Variants in EML4 observed in about 807,000 individuals in gnomAD.
EML4 encodes the protein echinoderm microtubule-associated protein-like 4.
Under a neutral mutation model 129.0 loss-of-function variants are expected in EML4, and 72 were observed. That is an observed-to-expected ratio of 0.56 (90% confidence interval 0.46 to 0.68). EML4 has a LOEUF of 0.68. Among genes scored for constraint, EML4 ranks in the 30% least tolerant of loss-of-function variants. The pLI, the probability that EML4 is intolerant of heterozygous loss-of-function variation, is 0.00. For missense variants in EML4, 1,363 were observed against 1,190.6 expected, an observed-to-expected ratio of 1.14 and a Z score of -2.13; for synonymous variants, 532 against 405.0, an observed-to-expected ratio of 1.31 and a Z score of -3.77.
chr2:42,306,101 T>C (rs1334942928), intron 17 of EML4, among the ~76,000 whole-genome samples: 4 of 152,196 alleles, frequency 2.6e-5, no homozygotes, highest in Non-Finnish European at 5.9e-5. Flanking sequence ...TGAGAGAGCA[T>C]TTGGTGATAC....
chr2:42,284,175 G>T (rs1479151024), intron 8 of EML4, among the ~76,000 whole-genome samples: 1 of 152,158 alleles, frequency 6.6e-6, no homozygotes. Context: ...GTTTTCTTTT[G>T]TTGAAAAGTA....
chr2:42,218,851 AG>A (rs1673369060), intron 1 of EML4, among the ~76,000 whole-genome samples: 2 of 152,260 alleles, frequency 1.3e-5, no homozygotes, highest in South Asian at 4.1e-4. Flanking sequence ...TTTTAAAGAG[AG>A]GGGGTCTTGC....
chr2:42,169,566 A>C lies in EML4; in HGVS notation c.-46A>C. On this transcript the variant is annotated 5_prime_UTR_variant, in exon 1 of 23. Transcript: ENST00000318522. The stretch of plus-strand genomic sequence containing the variant: ...GGCCACTCTGTCGGTCCGCTGAATG[A>C]AGTGCCCGCCCCTCTAAGCCCGGAG... The C allele has an allele frequency of 6.3e-6, 10 of 1,587,046 alleles. No homozygotes were observed. The highest frequency in any genetic ancestry group is 8.5e-6 in the Non-Finnish European group (10 of 1,170,606).
At chr2:42,232,749 A>G (rs1027690893) in intron 1 of EML4, among the ~76,000 whole-genome samples, 9 of 152,086 alleles carry the variant, frequency 5.9e-5, no homozygotes, top group Admixed American at 3.9e-4. Context: ...TTTGAGACGG[A>G]GTCTGGCTGT....
chr2:42,219,597 T>G (rs1673428000), intron 1 of EML4, among the ~76,000 whole-genome samples: 1 of 152,204 alleles, frequency 6.6e-6, no homozygotes, highest in Non-Finnish European at 1.5e-5. Flanking sequence ...GGTTTTGTTT[T>G]GGTTTTGGTG....
rs1302945296 is a variant in EML4 at position 42,295,264 on chromosome 2, G to C, written c.1353+5G>C. On this transcript the variant is annotated splice_donor_5th_base_variant and intron_variant, in intron 12 of 22. Coordinates refer to ENST00000318522, the MANE Select transcript of EML4 (RefSeq NM_019063.5). ...AGAAAACAGGGAATTTTTGGGGTAA[G>C]AATCAGATTGTTTTAATGTCATTAG... 4 of 1,612,582 alleles carry C rather than the reference G, an allele frequency of 2.5e-6. No homozygotes were observed. The highest frequency in any genetic ancestry group is 2.5e-6 in the Non-Finnish European group (3 of 1,179,600).
chr2:42,262,715 G>C (rs1317586084), intron 4 of EML4, among the ~76,000 whole-genome samples: 1 of 152,076 alleles, frequency 6.6e-6, no homozygotes, highest in Non-Finnish European at 1.5e-5. Flanking sequence ...TGTCCCTAAA[G>C]ATATAAACAA....
intron 9 of EML4, among the ~76,000 whole-genome samples, chr2:42,285,647 G>T (rs1447156760): frequency 1.3e-5 from 2 of 148,906 alleles, no homozygotes; most frequent in Non-Finnish European, 3.0e-5. Context: ...CTCCCAGGCT[G>T]GAGTGCAGTG....
chr2:42,228,274 A>G (rs1374191004), intron 1 of EML4, among the ~76,000 whole-genome samples: 2 of 152,094 alleles, frequency 1.3e-5, no homozygotes, highest in East Asian at 1.9e-4. Context: ...CTAAGAGAGT[A>G]GAAAGAATTC....
At chr2:42,259,246 GA>G (rs200357470) in intron 3 of EML4, among the ~76,000 whole-genome samples, 8 of 139,378 alleles carry the variant, frequency 5.7e-5, no homozygotes, top group South Asian at 5.0e-4. Context: ...GACTTCATCT[GA>G]AAAAAAAAAC....
intron 13 of EML4, among the ~76,000 whole-genome samples, chr2:42,298,428 C>T (rs1438777555): frequency 1.3e-5 from 2 of 151,996 alleles, no homozygotes; most frequent in Non-Finnish European, 2.9e-5. Context: ...AATTATTTTC[C>T]TTGGCAGGGA....
At chr2:42,292,130 G>A (rs1185556844) in intron 11 of EML4, among the ~76,000 whole-genome samples, 8 of 152,318 alleles carry the variant, frequency 5.3e-5, no homozygotes, top group African/African-American at 1.4e-4. Flanking sequence ...GGACATGGAG[G>A]AAAGGACACT....
intron 1 of EML4, among the ~76,000 whole-genome samples, chr2:42,191,586 GA>G (rs1489022302): frequency 1.5e-4 from 23 of 152,192 alleles, no homozygotes; most frequent in Admixed American, 2.6e-4. Flanking sequence ...GGGTAGTGCA[GA>G]CATGGCCACC....
intron 1 of EML4, among the ~76,000 whole-genome samples, chr2:42,202,759 A>G (rs1672307902): frequency 1.3e-5 from 2 of 152,158 alleles, no homozygotes; most frequent in African/African-American, 2.4e-5. Context: ...TTCCCAATCC[A>G]TTGACTCAAA....
At chr2:42,191,996 A>T (rs1002720785) in intron 1 of EML4, among the ~76,000 whole-genome samples, 86 of 151,646 alleles carry the variant, frequency 5.7e-4, no homozygotes, top group African/African-American at 2.0e-3. Context: ...AAAATTAACC[A>T]GGCATGGTGG....
intron 1 of EML4, among the ~76,000 whole-genome samples, chr2:42,242,984 C>T (rs1675138487): frequency 6.6e-6 from 1 of 152,030 alleles, no homozygotes. Flanking sequence ...CACTACGTTG[C>T]CCAGGCTGGT....
chr2:42,188,948 A>G (rs1468908694), intron 1 of EML4, among the ~76,000 whole-genome samples: 1 of 152,204 alleles, frequency 6.6e-6, no homozygotes, highest in Non-Finnish European at 1.5e-5. Context: ...CCAGGTAAAA[A>G]TAGACATAGC....
At chr2:42,227,113 C>CT (rs969387699) in intron 1 of EML4, among the ~76,000 whole-genome samples, 5 of 151,226 alleles carry the variant, frequency 3.3e-5, no homozygotes, top group South Asian at 2.1e-4. Context: ...CATTCTTTTT[C>CT]TTTTTTTTTC....
intron 1 of EML4, among the ~76,000 whole-genome samples, chr2:42,236,043 G>A (rs950493176): frequency 6.6e-6 from 1 of 152,010 alleles, no homozygotes; most frequent in Non-Finnish European, 1.5e-5. Context: ...TCCATTATGT[G>A]TGAGTGTCTC....
Sources: allele counts gnomAD v4.1 joint callset (sites outside exome capture counted in the v4.1 genomes callset), GRCh38; gene constraint gnomAD v4.1.1; transcripts MANE v1.5; gene names NCBI Gene and HGNC (gene_info 2026-07-23, HGNC 2026-07-21).